PKIB: variants seen among roughly 807,000 people sequenced by gnomAD.
PKIB encodes PKI-beta.
PKIB carries 2 observed loss-of-function variants against 4.5 expected under a neutral mutation model. The ratio of observed to expected loss-of-function variants is 0.44; its 90% CI spans 0.18 to 1.39. The LOEUF (loss-of-function observed/expected upper bound fraction) is 1.39. Among genes scored for constraint, PKIB ranks in the 40% most tolerant of loss-of-function variants. PKIB has a pLI of 0.27. For missense variants in PKIB, 94 were observed against 92.6 expected (o/e 1.02, Z -0.06); for synonymous variants, 38 against 36.0 (o/e 1.06, Z -0.20).
intron 2 of PKIB, chr6:122,585,477 T>G (rs181730776): frequency 6.6e-6 from 1 of 152,242 alleles, no homozygotes; most frequent in Admixed American, 6.5e-5. Context: ...ATTTCTTTTC[T>G]CTCTCACTGG....
chr6:122,635,137 A>G (rs970715038), intron 2 of PKIB, among the ~76,000 whole-genome samples: 1 of 152,170 alleles, frequency 6.6e-6, no homozygotes, highest in Non-Finnish European at 1.5e-5. Context: ...AACATAAAAT[A>G]ATTTATTGGG....
At chr6:122,524,530 T>TAGTAG in intron 2 of PKIB, among the ~76,000 whole-genome samples, 1 of 152,126 alleles carries the variant, frequency 6.6e-6, no homozygotes, top group East Asian at 1.9e-4. Context: ...TCTTCAATTT[T>TAGTAG]TTGGAAAAGT....
At chr6:122,717,092 T>C (rs1335347469) in intron 3 of PKIB, among the ~76,000 whole-genome samples, 1 of 152,144 alleles carries the variant, frequency 6.6e-6, no homozygotes, top group Admixed American at 6.6e-5. Flanking sequence ...TTATAGTGAA[T>C]GATCTCTTGA....
At chr6:122,511,599 G>C (rs528276714) in intron 2 of PKIB, among the ~76,000 whole-genome samples, 38 of 152,304 alleles carry the variant, frequency 2.5e-4, no homozygotes, top group African/African-American at 8.9e-4. Flanking sequence ...ACAAAGGAAT[G>C]AGAAGAGACG....
rs1042280395 is a variant in PKIB at position 122,675,105 on chromosome 6, A to G, written c.-48A>G. 6.6e-6 allele frequency: 1 copy of G among 152,534 alleles called. No individual in the cohort carries two copies. Among genetic ancestry groups the G allele is most frequent in the African/African-American group, 2.4e-5 (1 of 41,442 alleles). The allele number at this position is 152,534 out of a possible 1,614,324, so 9.4% of individuals were successfully genotyped here. A position where few individuals can be genotyped will look rare whatever the true frequency, so the allele number is the denominator to read the frequency against. On this transcript the variant is annotated 5_prime_UTR_variant, in exon 3 of 5. Coordinates refer to ENST00000368452, the MANE Select transcript of PKIB (RefSeq NM_181795.3). ...AAGAAAGTTTATCAGAATTTTTTAA[A>G]CCTGTCTCAGAAATAACAACATATT...
At chr6:122,476,540 T>C (rs1775455303) in intron 1 of PKIB, among the ~76,000 whole-genome samples, 1 of 152,172 alleles carries the variant, frequency 6.6e-6, no homozygotes, top group Non-Finnish European at 1.5e-5. Flanking sequence ...TTTGCTGAAA[T>C]CTAAGCCTAT....
chr6:122,612,424 T>G (rs1234971273), intron 1 of PKIB, among the ~76,000 whole-genome samples: 7 of 152,194 alleles, frequency 4.6e-5, no homozygotes. Context: ...GTTTACTCAC[T>G]TGGTAAGATT....
chr6:122,546,254 G>A (rs192579831), intron 2 of PKIB, among the ~76,000 whole-genome samples: 2 of 152,168 alleles, frequency 1.3e-5, no homozygotes, highest in East Asian at 3.9e-4. Context: ...GCTCTTCAGA[G>A]CATGCATAGC....
At position 122,725,248 on chromosome 6, in the gene PKIB, G is replaced by A. The variant is rs1211880945; in HGVS notation, c.*53G>A. ...ATTTCTGCATGTTGAAAGACTTAGT[G>A]GTTCTGTTTTCTTGAGACATTTAAT... On this transcript the variant is annotated 3_prime_UTR_variant, in exon 5 of 5. Coordinates refer to ENST00000368452, the MANE Select transcript of PKIB (RefSeq NM_181795.3). The A allele has an allele frequency of 2.1e-6, 3 of 1,451,730 alleles. No individual in the cohort carries two copies. The highest frequency in any genetic ancestry group is 1.2e-5 in the South Asian group (1 of 82,256). The allele number at this position is 1,451,730 out of a possible 1,614,324, so 89.9% of individuals were successfully genotyped here.
intron 1 of PKIB, among the ~76,000 whole-genome samples, chr6:122,474,727 G>A (rs757670860): frequency 5.3e-5 from 8 of 152,150 alleles, no homozygotes; most frequent in Non-Finnish European, 1.2e-4. Flanking sequence ...CACAGAAATG[G>A]GCTGGGAGAT....
At chr6:122,571,000 T>C (rs1773350024) in intron 2 of PKIB, among the ~76,000 whole-genome samples, 1 of 151,892 alleles carries the variant, frequency 6.6e-6, no homozygotes, top group African/African-American at 2.4e-5. Flanking sequence ...AAAAATGTTT[T>C]AAAATTCAGG....
At chr6:122,547,606 G>A (rs1772534180) in intron 2 of PKIB, among the ~76,000 whole-genome samples, 1 of 151,052 alleles carries the variant, frequency 6.6e-6, no homozygotes, top group South Asian at 2.1e-4. Flanking sequence ...TCAAAGTGCT[G>A]GGATTACAGG....
At chr6:122,725,031 T>G in intron 4 of PKIB, 97 bp from the exon 5 acceptor site, 1 of 926,822 alleles carries the variant, frequency 1.1e-6, no homozygotes. Flanking sequence ...GGGCAAAATA[T>G]GGACGGTGGA....
chr6:122,720,884 T>G (rs2115087364), intron 4 of PKIB, among the ~76,000 whole-genome samples: 1 of 152,220 alleles, frequency 6.6e-6, no homozygotes, highest in Non-Finnish European at 1.5e-5. Context: ...GTATTTTTAG[T>G]AGAAACGGGG....
At chr6:122,706,749 A>G (rs1779071430) in intron 3 of PKIB, among the ~76,000 whole-genome samples, 2 of 152,182 alleles carry the variant, frequency 1.3e-5, no homozygotes, top group Non-Finnish European at 2.9e-5. Context: ...TGCTTAACAC[A>G]TGCATATGCC....
chr6:122,704,358 C>G (rs1778969683), intron 3 of PKIB, among the ~76,000 whole-genome samples: 1 of 151,876 alleles, frequency 6.6e-6, no homozygotes, highest in Admixed American at 6.6e-5. Context: ...CTTTGTAGCC[C>G]AGTCAAGTTG....
chr6:122,498,223 T>A (rs1776129727), intron 2 of PKIB, among the ~76,000 whole-genome samples: 1 of 152,172 alleles, frequency 6.6e-6, no homozygotes, highest in Non-Finnish European at 1.5e-5. Flanking sequence ...GGCCTCACAA[T>A]CATGGTAGAA....
chr6:122,648,772 A>G (rs2114871011), intron 2 of PKIB, among the ~76,000 whole-genome samples: 1 of 152,252 alleles, frequency 6.6e-6, no homozygotes, highest in East Asian at 1.9e-4. Context: ...CATACAATCA[A>G]CCTGTGACCA....
At chr6:122,697,734 G>A (rs4379328) in intron 3 of PKIB, among the ~76,000 whole-genome samples, 150,462 of 152,254 alleles carry the variant, frequency 0.99, 74,368 homozygotes, top group South Asian at 1. Context: ...AACTACCTGA[G>A]GCCTATGGGA....
Sources: gnomAD v4.1 joint callset for allele counts (sites outside exome capture counted in the v4.1 genomes callset) on GRCh38, gnomAD v4.1.1 for gene constraint, MANE v1.5 for transcripts, NCBI Gene and HGNC (gene_info 2026-07-23, HGNC 2026-07-21) for gene names.